Variants in SMCO2 observed in about 807,000 individuals in gnomAD.
SMCO2 encodes single-pass membrane and coiled-coil domain-containing protein 2.
SMCO2 carries 25 observed loss-of-function variants against 29.5 expected under a neutral mutation model. The ratio of observed to expected loss-of-function variants is 0.85; its 90% CI spans 0.62 to 1.18. SMCO2 has a LOEUF of 1.18. SMCO2 is among the 50% of genes most tolerant of loss of function. The pLI is 0.00. For synonymous variants in SMCO2, 117 were observed against 123.3 expected (o/e 0.95, Z 0.34); for missense variants, 348 against 344.5 (o/e 1.01, Z -0.08).
chr12:27,494,983 C>T (rs1430880220), intron 6 of SMCO2, among the ~76,000 whole-genome samples: 1 of 152,096 alleles, frequency 6.6e-6, no homozygotes, highest in East Asian at 1.9e-4. Flanking sequence ...CAGGTCATCT[C>T]TTCATTGAGA....
At chr12:27,479,881 T>TTA (rs1949626181) in intron 4 of SMCO2, among the ~76,000 whole-genome samples, 1 of 145,666 alleles carries the variant, frequency 6.9e-6, no homozygotes, top group African/African-American at 2.7e-5. Flanking sequence ...TTACGCAGTC[T>TTA]CACACGTCTT....
chr12:27,474,668 G>A (rs1281718752), intron 3 of SMCO2, 118 bp from the exon 4 acceptor site: 17 of 1,180,402 alleles, frequency 1.4e-5, no homozygotes, highest in Non-Finnish European at 2.0e-5. Flanking sequence ...GAAAGCTCCA[G>A]TCTCAGAGAG....
intron 3 of SMCO2, 122 bp from the exon 4 acceptor site, chr12:27,474,664 T>A: frequency 8.9e-7 from 1 of 1,126,018 alleles, no homozygotes; most frequent in Non-Finnish European, 1.2e-6. Context: ...ATCAGAAAGC[T>A]CCAGTCTCAG....
the SMCO2 span, among the ~76,000 whole-genome samples, chr12:27,447,745 A>G: frequency 7.0e-6 from 1 of 142,906 alleles, no homozygotes; most frequent in Non-Finnish European, 1.5e-5. Context: ...AAAAAAAAAA[A>G]GCAGAACTTT....
chr12:27,457,421 C>G, the SMCO2 span, among the ~76,000 whole-genome samples: 2 of 152,194 alleles, frequency 1.3e-5, no homozygotes. Flanking sequence ...CTCACAAAGT[C>G]TCTTGCATAT....
the SMCO2 span, among the ~76,000 whole-genome samples, chr12:27,437,036 GC>G: frequency 3.3e-5 from 5 of 152,262 alleles, no homozygotes; most frequent in Non-Finnish European, 5.9e-5. Context: ...TGTTACATTA[GC>G]TGAAAAGGCT....
chr12:27,426,487 G>A, the SMCO2 span, among the ~76,000 whole-genome samples: 3 of 152,164 alleles, frequency 2.0e-5, no homozygotes, highest in South Asian at 2.1e-4. Flanking sequence ...TTCTTCATTC[G>A]TAAAGTAGAC....
the SMCO2 span, among the ~76,000 whole-genome samples, chr12:27,452,171 G>T: frequency 6.6e-6 from 1 of 152,170 alleles, no homozygotes; most frequent in Non-Finnish European, 1.5e-5. Flanking sequence ...AGTAAAGAAG[G>T]CTCACTTCTT....
intron 4 of SMCO2, chr12:27,475,655 G>A: frequency 6.5e-7 from 1 of 1,550,136 alleles, no homozygotes; most frequent in South Asian, 1.2e-5. Context: ...AGAACTTGGA[G>A]CTGATTACAT....
At chr12:27,461,593 C>G in the SMCO2 span, among the ~76,000 whole-genome samples, 1 of 152,326 alleles carries the variant, frequency 6.6e-6, no homozygotes, top group African/African-American at 2.4e-5. Context: ...GGAGAGTTGG[C>G]TGTATAGATA....
intron 4 of SMCO2, among the ~76,000 whole-genome samples, chr12:27,485,144 C>CTA (rs1949678389): frequency 6.9e-6 from 1 of 144,600 alleles, no homozygotes; most frequent in East Asian, 2.1e-4. Context: ...TTTTTTCTCT[C>CTA]TTTTCTTTCT....
intron 1 of SMCO2, among the ~76,000 whole-genome samples, chr12:27,468,832 G>A (rs1949518738): frequency 6.6e-6 from 1 of 152,140 alleles, no homozygotes; most frequent in African/African-American, 2.4e-5. Context: ...ACATAAAATG[G>A]GGATAATACC....
intron 4 of SMCO2, among the ~76,000 whole-genome samples, chr12:27,485,670 C>A (rs1371718744): frequency 6.6e-6 from 1 of 152,114 alleles, no homozygotes; most frequent in Non-Finnish European, 1.5e-5. Flanking sequence ...TGGTCTCGAA[C>A]TCCTGACCTC....
At chr12:27,434,728 C>T in the SMCO2 span, among the ~76,000 whole-genome samples, 3 of 152,242 alleles carry the variant, frequency 2.0e-5, no homozygotes, top group East Asian at 3.9e-4. Context: ...GGTAGCCATT[C>T]CCCAGCTATG....
upstream of SMCO2, among the ~76,000 whole-genome samples, chr12:27,463,295 G>C (rs370758427): frequency 6.6e-6 from 1 of 152,028 alleles, no homozygotes; most frequent in African/African-American, 2.4e-5. Flanking sequence ...ACAGAGTCTC[G>C]CTTGTGTTGC....
chr12:27,488,621 T>A (rs1949709145), intron 5 of SMCO2, 74 bp downstream of exon 6: 1 of 1,100,048 alleles, frequency 9.1e-7, no homozygotes, highest in Non-Finnish European at 1.3e-6. Context: ...CTTTCTATTG[T>A]TAATAGGCAA....
At chr12:27,501,415 C>CAAAAAAAAA (rs540673188) in intron 7 of SMCO2, among the ~76,000 whole-genome samples, 36 of 85,868 alleles carry the variant, frequency 4.2e-4, no homozygotes, top group East Asian at 1.0e-3. Context: ...GACTCCGTCT[C>CAAAAAAAAA]AAAAAAAAAA....
intron 2 of SMCO2, among the ~76,000 whole-genome samples, 173 bp from the exon 3 acceptor site, chr12:27,472,603 A>G (rs1949550258): frequency 6.6e-6 from 1 of 152,122 alleles, no homozygotes; most frequent in Non-Finnish European, 1.5e-5. Flanking sequence ...TCTACTTGTG[A>G]GATATAATAT....
chr12:27,493,268 C>A (rs1452960795), intron 5 of SMCO2, among the ~76,000 whole-genome samples: 1 of 152,082 alleles, frequency 6.6e-6, no homozygotes, highest in Admixed American at 6.6e-5. Context: ...ATCTGTACAG[C>A]AAACCCCCAT....
Sources: gnomAD v4.1 joint callset for allele counts (sites outside exome capture counted in the v4.1 genomes callset) on GRCh38, gnomAD v4.1.1 for gene constraint, MANE v1.5 for transcripts, NCBI Gene and HGNC (gene_info 2026-07-23, HGNC 2026-07-21) for gene names.